Variants in GLDC observed in about 807,000 individuals in gnomAD.
GLDC encodes the protein glycine decarboxylase, also known as glycine dehydrogenase (decarboxylating), mitochondrial.
Under a neutral mutation model 121.3 loss-of-function variants are expected in GLDC, and 104 were observed. The observed-to-expected ratio is 0.86, with a 90% CI of 0.73 to 1.01. The LOEUF (loss-of-function observed/expected upper bound fraction) is 1.01, where lower values mean the gene tolerates loss of function less well. Ranked by LOEUF, GLDC falls within the 50% of genes least tolerant of loss-of-function variation. GLDC has a pLI of 0.00. For missense variants in GLDC, 1,429 were observed against 1,306.6 expected, an observed-to-expected ratio of 1.09 and a Z score of -1.44; for synonymous variants, 546 against 480.6, an observed-to-expected ratio of 1.14 and a Z score of -1.78.
At chr9:6,562,093 G>A (rs528063188) in intron 16 of GLDC, among the ~76,000 whole-genome samples, 5 of 151,904 alleles carry the variant, frequency 3.3e-5, no homozygotes, top group African/African-American at 1.2e-4. Context: ...TTATTTTTTC[G>A]TAAGATCTGG....
chr9:6,624,516 C>G (rs1819190965), intron 2 of GLDC, among the ~76,000 whole-genome samples: 1 of 152,214 alleles, frequency 6.6e-6, no homozygotes, highest in Non-Finnish European at 1.5e-5. Context: ...TGAGCCAACC[C>G]TGCCAACATC....
chr9:6,625,602 G>C (rs1465118672), intron 2 of GLDC, among the ~76,000 whole-genome samples: 1 of 152,170 alleles, frequency 6.6e-6, no homozygotes, highest in Non-Finnish European at 1.5e-5. Flanking sequence ...TGTGCCAAGA[G>C]CCAAAATTAC....
chr9:6,556,752 C>A (rs1817639767), intron 17 of GLDC, among the ~76,000 whole-genome samples: 1 of 151,346 alleles, frequency 6.6e-6, no homozygotes, highest in Admixed American at 6.6e-5. Context: ...CAAGATCACA[C>A]CACTGCACTC....
At chr9:6,624,265 C>G (rs915842019) in intron 2 of GLDC, among the ~76,000 whole-genome samples, 1 of 152,120 alleles carries the variant, frequency 6.6e-6, no homozygotes, top group East Asian at 1.9e-4. Flanking sequence ...CTGAATATAA[C>G]CTTACTTGAA....
At chr9:6,543,234 G>T (rs117664209) in intron 21 of GLDC, among the ~76,000 whole-genome samples, 2 of 152,142 alleles carry the variant, frequency 1.3e-5, no homozygotes, top group East Asian at 3.9e-4. Flanking sequence ...ATGATAATGT[G>T]ACTGTACTCC....
intron 21 of GLDC, chr9:6,540,358 G>A: frequency 3.6e-6 from 2 of 550,038 alleles, no homozygotes; most frequent in South Asian, 2.0e-5. Context: ...CTGTGCCGAT[G>A]TGTCTTATCT....
intron 15 of GLDC, among the ~76,000 whole-genome samples, chr9:6,584,537 A>C (rs1266743261): frequency 1.3e-5 from 2 of 151,766 alleles, no homozygotes; most frequent in African/African-American, 4.8e-5. Context: ...AATAGGATTG[A>C]AACAAGGTTA....
rs553666373 is a variant in GLDC at position 6,629,102 on chromosome 9, G to C, written c.335-8783C>G. Among the ~76,000 whole-genome samples the C allele has an allele frequency of 5.3e-5, 8 of 151,752 alleles. No individual in the cohort carries two copies. The South Asian group carries it at 1.7e-3, about 32-fold the overall frequency. ...TTCCTCTTTACATCATTCCACATAA[G>C]AGCCCTTCTATAGCAACTCCTTTGC... On this transcript the variant is annotated intron_variant, in intron 2 of 24. Transcript: ENST00000321612.
chr9:6,627,296 A>ATCTC (rs377482266), intron 2 of GLDC, among the ~76,000 whole-genome samples: 2 of 45,582 alleles, frequency 4.4e-5, no homozygotes, highest in African/African-American at 3.6e-4. Context: ...ACTCCATCTC[A>ATCTC]AAAAAAAAAA....
rs764242927 is a variant in GLDC, at chr9:6,536,070, C to T, written c.2832G>A (p.Pro944=). The stretch of plus-strand genomic sequence containing the variant: ...TGTTCCAGGGCCTACGCACCTTCAG[C>T]GGATTGACCCTGGGGTCGATGCGGC... ...EEGRIDPRVN[P]LKMSPHSLTC... The change falls in exon 23 of 25, where the codon CCG becomes CCA. Residue 944 remains proline, a synonymous_variant. Transcript: ENST00000321612. The T allele has an allele frequency of 2.0e-5, 32 of 1,612,716 alleles. No homozygotes were observed. The East Asian group carries it at 4.0e-4, about 20-fold the overall frequency.
At position 6,532,760 on chromosome 9, in the gene GLDC, C is replaced by T. The variant is rs111326356; in HGVS notation, c.*257G>A. ...AAGTTAAAGTTCCTAAAACTTTCTACGCAAAACACAAAATGGCTCCCAATC... is the reference window on the plus strand; with the variant it reads ...AAGTTAAAGTTCCTAAAACTTTCTATGCAAAACACAAAATGGCTCCCAATC... On this transcript the variant is annotated 3_prime_UTR_variant, in exon 25 of 25. Transcript: ENST00000321612. The T allele has an allele frequency of 4.3e-3, 2,023 of 473,368 alleles. 37 individuals carry two copies. The highest frequency in any genetic ancestry group is 0.033 in the African/African-American group (1,678 of 51,086). 29.3% of individuals were successfully genotyped at this position (473,368 alleles called of 1,614,324 possible). A position where few individuals can be genotyped will look rare whatever the true frequency, so the allele number is the denominator to read the frequency against.
chr9:6,627,946 A>C (rs1819280313), intron 2 of GLDC, among the ~76,000 whole-genome samples: 1 of 152,228 alleles, frequency 6.6e-6, no homozygotes, highest in Non-Finnish European at 1.5e-5. Context: ...GTGTACCTAG[A>C]AGCCCAGAGT....
At chr9:6,612,636 G>A (rs1232432385) in intron 3 of GLDC, among the ~76,000 whole-genome samples, 1 of 152,080 alleles carries the variant, frequency 6.6e-6, no homozygotes. Flanking sequence ...AGGCTGAGGA[G>A]GCGGATCACG....
At position 6,556,107 on chromosome 9, in the gene GLDC, T is replaced by A. The variant is rs368758075; in HGVS notation, c.2202+46A>T. 24 of 1,522,820 alleles carry A rather than the reference T, an allele frequency of 1.6e-5. No homozygotes were observed. The African/African-American group carries it at 3.2e-4, about 20-fold the overall frequency. 94.3% of individuals were successfully genotyped at this position (1,522,820 alleles called of 1,614,324 possible). ...CAGAATTTTTTTTTTTTTCCACATA[T>A]CCATTTTCTCAGTGGGAACTAAGGG... On this transcript the variant is annotated intron_variant, in intron 18 of 24. Transcript: ENST00000321612.
At chr9:6,622,977 C>T (rs1460842412) in intron 2 of GLDC, 1 of 191,490 alleles carries the variant, frequency 5.2e-6, no homozygotes, top group South Asian at 7.5e-5. Context: ...GGCAGCCACC[C>T]CGTCCGGGAG....
chr9:6,599,094 G>C (rs1818547684), intron 8 of GLDC, among the ~76,000 whole-genome samples: 1 of 151,690 alleles, frequency 6.6e-6, no homozygotes, highest in African/African-American at 2.4e-5. Flanking sequence ...TGAGGCAGGA[G>C]TATCGCTTGA....
intron 22 of GLDC, among the ~76,000 whole-genome samples, chr9:6,537,035 T>C (rs1817142521): frequency 6.6e-6 from 1 of 151,862 alleles, no homozygotes; most frequent in South Asian, 2.1e-4. Flanking sequence ...AAAGCATTTT[T>C]TTTTTTTTTT....
At chr9:6,644,141 G>A (rs1313234000) in intron 2 of GLDC, among the ~76,000 whole-genome samples, 2 of 151,606 alleles carry the variant, frequency 1.3e-5, no homozygotes, top group African/African-American at 2.4e-5. Context: ...TGGACGTGAG[G>A]TAAGAAAACA....
At chr9:6,560,832 G>C (rs1381142513) in intron 16 of GLDC, among the ~76,000 whole-genome samples, 1 of 152,182 alleles carries the variant, frequency 6.6e-6, no homozygotes, top group Non-Finnish European at 1.5e-5. Context: ...TTGCAGATGG[G>C]ATTAAGGTAA....
Sources: gnomAD v4.1 joint callset for allele counts (sites outside exome capture counted in the v4.1 genomes callset) on GRCh38, gnomAD v4.1.1 for gene constraint, MANE v1.5 for transcripts, NCBI Gene and HGNC (gene_info 2026-07-23, HGNC 2026-07-21) for gene names.